Variants in KDM4C observed in about 807,000 individuals in gnomAD.
KDM4C encodes lysine-specific demethylase 4C.
A neutral mutation model predicts 129.3 loss-of-function variants in KDM4C; 81 were observed. That is an observed-to-expected ratio of 0.63 (90% CI 0.52 to 0.75). KDM4C has a LOEUF of 0.75. Among genes scored for constraint, KDM4C ranks in the 30% least tolerant of loss-of-function variants. The pLI, the probability that KDM4C is intolerant of heterozygous loss-of-function variation, is 0.00. For synonymous variants in KDM4C, 573 were observed against 456.1 expected (o/e 1.26, Z -3.26); for missense variants, 1,457 against 1,304.0 (o/e 1.12, Z -1.81).
chr9:6,872,520 C>G (rs187651854), intron 5 of KDM4C, among the ~76,000 whole-genome samples: 1 of 152,290 alleles, frequency 6.6e-6, no homozygotes, highest in East Asian at 1.9e-4. Context: ...CTTTGTAGGT[C>G]TCTAAGAACT....
chr9:7,052,898 A>AGAGAGAGC (rs1477487723), intron 17 of KDM4C, among the ~76,000 whole-genome samples: 718 of 47,538 alleles, frequency 0.015, 22 homozygotes, highest in Middle Eastern at 0.041. Flanking sequence ...AGAGAGAGAG[A>AGAGAGAGC]GAGCGAGCGA....
At chr9:6,786,025 C>G (rs563609550) in intron 1 of KDM4C, among the ~76,000 whole-genome samples, 2 of 152,328 alleles carry the variant, frequency 1.3e-5, no homozygotes, top group South Asian at 2.1e-4. Context: ...CTGAACTGTT[C>G]TCTTCAGAGG....
At chr9:7,077,920 T>C (rs1834106072) in intron 17 of KDM4C, among the ~76,000 whole-genome samples, 1 of 152,334 alleles carries the variant, frequency 6.6e-6, no homozygotes, top group East Asian at 1.9e-4. Context: ...GGCCAGCAGA[T>C]ATTTAGGCTC....
intron 8 of KDM4C, among the ~76,000 whole-genome samples, chr9:6,916,093 A>G (rs2131139158): frequency 6.6e-6 from 1 of 152,302 alleles, no homozygotes; most frequent in Non-Finnish European, 1.5e-5. Context: ...ATTTGGAAGG[A>G]GAGAGTCAGC....
intron 2 of KDM4C, among the ~76,000 whole-genome samples, 164 bp from the exon 3 acceptor site, chr9:6,805,435 C>G (rs181682192): frequency 6.6e-6 from 1 of 150,968 alleles, no homozygotes; most frequent in Non-Finnish European, 1.5e-5. Flanking sequence ...TATTGAATAA[C>G]ATCATATTGC....
chr9:7,013,810 A>G lies in KDM4C; in HGVS notation c.1991A>G (p.Asn664Ser), dbSNP rs754700151. ...CAGCCAGATAGCAGCAATGAAGAAA[A>G]TGATGCTAGATGGGAGACAAAATTA... Reference protein sequence around the residue: ...YHKPDSSNEENDARWETKLDE... With the variant: ...YHKPDSSNEESDARWETKLDE... Residue 664 changes from asparagine to serine, a missense_variant, in exon 14 of 22, where the codon AAT becomes AGT. Physicochemically the swap from Asn to Ser is conservative, Grantham distance 46. Coordinates refer to ENST00000381309, the MANE Select transcript of KDM4C (RefSeq NM_015061.6). 6 of 1,613,802 alleles carry G rather than the reference A, an allele frequency of 3.7e-6. No homozygotes were observed. Among genetic ancestry groups the G allele is most frequent in the Middle Eastern group, 1.6e-4 (1 of 6,078 alleles).
intron 5 of KDM4C, among the ~76,000 whole-genome samples, chr9:6,854,479 C>G (rs942613808): frequency 7.0e-6 from 1 of 143,052 alleles, no homozygotes; most frequent in Admixed American, 7.1e-5. Flanking sequence ...GAGCTGAGAT[C>G]GCGCCATTGC....
At chr9:7,027,491 A>G (rs765109571) in intron 15 of KDM4C, among the ~76,000 whole-genome samples, 10 of 151,900 alleles carry the variant, frequency 6.6e-5, no homozygotes, top group Non-Finnish European at 1.0e-4. Flanking sequence ...GTGACAGAAG[A>G]CTCTCTGTTG....
intron 4 of KDM4C, among the ~76,000 whole-genome samples, chr9:6,839,656 C>A (rs1836548354): frequency 6.6e-6 from 1 of 152,000 alleles, no homozygotes; most frequent in Non-Finnish European, 1.5e-5. Flanking sequence ...CCTATAATCT[C>A]AGCACTTTTG....
intron 8 of KDM4C, among the ~76,000 whole-genome samples, chr9:6,926,341 TAAAAAAA>T (rs33974740): frequency 9.3e-6 from 1 of 107,392 alleles, no homozygotes; most frequent in African/African-American, 3.3e-5. Flanking sequence ...AGATAATTTG[TAAAAAAA>T]AAAAAAAGGA....
intron 15 of KDM4C, among the ~76,000 whole-genome samples, chr9:7,017,772 TC>T (rs34424070): frequency 6.6e-6 from 1 of 152,168 alleles, no homozygotes; most frequent in Non-Finnish European, 1.5e-5. Flanking sequence ...GAATTACACT[TC>T]CTTGCAACTG....
intron 1 of KDM4C, among the ~76,000 whole-genome samples, chr9:6,762,851 G>A (rs939890718): frequency 6.6e-6 from 1 of 151,708 alleles, no homozygotes; most frequent in African/African-American, 2.4e-5. Flanking sequence ...TAGAGATGAG[G>A]TTTCACCATG....
intron 15 of KDM4C, among the ~76,000 whole-genome samples, chr9:7,045,702 C>G (rs1587212998): frequency 6.6e-6 from 1 of 151,968 alleles, no homozygotes; most frequent in East Asian, 1.9e-4. Flanking sequence ...ACTCTGAATC[C>G]AGGAATTTTC....
At chr9:6,898,235 T>C (rs1173172934) in intron 8 of KDM4C, among the ~76,000 whole-genome samples, 1 of 152,228 alleles carries the variant, frequency 6.6e-6, no homozygotes, top group Non-Finnish European at 1.5e-5. Flanking sequence ...TTTGTGTTTG[T>C]GTTTCAGCAG....
chr9:6,977,796 C>T (rs1833181803), intron 8 of KDM4C, among the ~76,000 whole-genome samples: 1 of 152,092 alleles, frequency 6.6e-6, no homozygotes, highest in Non-Finnish European at 1.5e-5. Context: ...ATGGCCCAGT[C>T]CTCTAGGGTT....
At chr9:6,833,137 T>C (rs939168699) in intron 4 of KDM4C, among the ~76,000 whole-genome samples, 12 of 147,564 alleles carry the variant, frequency 8.1e-5, no homozygotes, top group South Asian at 2.1e-4. Flanking sequence ...GTTGAGATAA[T>C]TGATCTCCTT....
At chr9:7,000,386 T>C (rs1820515304) in intron 12 of KDM4C, among the ~76,000 whole-genome samples, 1 of 152,226 alleles carries the variant, frequency 6.6e-6, no homozygotes, top group African/African-American at 2.4e-5. Context: ...AAACAATGAT[T>C]AGCATGAAAT....
chr9:6,886,640 C>T (rs1043961420), intron 6 of KDM4C, among the ~76,000 whole-genome samples: 2 of 151,836 alleles, frequency 1.3e-5, no homozygotes, highest in South Asian at 2.1e-4. Context: ...CACAGGTGTG[C>T]GTCACCATGC....
chr9:6,854,031 A>T (rs956974738), intron 5 of KDM4C, among the ~76,000 whole-genome samples: 2 of 151,512 alleles, frequency 1.3e-5, no homozygotes, highest in African/African-American at 4.8e-5. Context: ...CATGAAAATA[A>T]TTTTTTTTTA....
Sources: allele counts gnomAD v4.1 joint callset (sites outside exome capture counted in the v4.1 genomes callset), GRCh38; gene constraint gnomAD v4.1.1; transcripts MANE v1.5; gene names NCBI Gene and HGNC (gene_info 2026-07-23, HGNC 2026-07-21).